The following GSE1 variants were observed in gnomAD, a reference collection of about 807,000 sequenced individuals.
GSE1 encodes the protein genetic suppressor element 1.
Under a neutral mutation model 112.6 loss-of-function variants are expected in GSE1, and 32 were observed. The ratio of observed to expected loss-of-function variants is 0.28; its 90% confidence interval spans 0.21 to 0.38. The LOEUF is 0.38. Among genes scored for constraint, GSE1 ranks in the 10% least tolerant of loss-of-function variants. The probability of loss-of-function intolerance (pLI) is 1.00; values close to 1 mark genes in which losing one functional copy is unlikely to be tolerated. For synonymous variants in GSE1, 1,115 were observed against 735.6 expected (o/e 1.52, Z -8.35); for missense variants, 2,348 against 1,699.2 (o/e 1.38, Z -6.71).
At chr16:85,526,066 G>T (rs2052355206) in intron 2 of GSE1, among the ~76,000 whole-genome samples, 1 of 152,158 alleles carries the variant, frequency 6.6e-6, no homozygotes, top group Non-Finnish European at 1.5e-5. Context: ...ATGGCTCCTG[G>T]GTGCAGACAG....
intron 4 of GSE1, 34 bp downstream of exon 4, chr16:85,654,484 C>T (rs756385682): frequency 2.6e-6 from 4 of 1,535,374 alleles, no homozygotes; most frequent in East Asian, 2.3e-5. Context: ...GGTGAGGTGG[C>T]CAGGTGGGGA....
intron 2 of GSE1, among the ~76,000 whole-genome samples, chr16:85,411,067 G>A (rs1363100358): frequency 1.9e-5 from 2 of 103,538 alleles, no homozygotes; most frequent in African/African-American, 1.1e-4. Context: ...AATCCTCACC[G>A]TTGCACTCAG....
intron 1 of GSE1, among the ~76,000 whole-genome samples, chr16:85,581,090 C>A (rs895895843): frequency 1.1e-4 from 16 of 152,172 alleles, no homozygotes; most frequent in African/African-American, 3.9e-4. Context: ...TGCCTTTGAA[C>A]AGGGATGGTT....
chr16:85,664,930 C>A (rs1465037214), intron 11 of GSE1, 85 bp from the exon 12 acceptor site: 1 of 938,374 alleles, frequency 1.1e-6, no homozygotes, highest in Admixed American at 1.9e-5. Flanking sequence ...TTGCCTGCCC[C>A]TCAAGGCTCG....
intron 2 of GSE1, among the ~76,000 whole-genome samples, chr16:85,639,522 G>A (rs558235696): frequency 6.6e-6 from 1 of 152,398 alleles, no homozygotes; most frequent in South Asian, 2.1e-4. Flanking sequence ...CCTTGCGGGT[G>A]TGTCGGGATC....
intron 1 of GSE1, among the ~76,000 whole-genome samples, chr16:85,598,303 C>T (rs2047323111): frequency 6.6e-6 from 1 of 151,832 alleles, no homozygotes; most frequent in Admixed American, 6.6e-5. Flanking sequence ...TTGCCAGCAC[C>T]CAGCTGCGCA....
chr16:85,374,675 A>G (rs1464145224), intron 2 of GSE1, among the ~76,000 whole-genome samples: 6 of 152,158 alleles, frequency 3.9e-5, no homozygotes, highest in Non-Finnish European at 1.5e-5. Flanking sequence ...AGCCAGGCCC[A>G]TGACCCTGGA....
At chr16:85,532,566 G>T (rs1316901327) in intron 2 of GSE1, among the ~76,000 whole-genome samples, 1 of 152,050 alleles carries the variant, frequency 6.6e-6, no homozygotes, top group East Asian at 1.9e-4. Context: ...CTGGCCTAGC[G>T]CTGGGGACCC....
intron 2 of GSE1, among the ~76,000 whole-genome samples, chr16:85,536,678 C>T (rs2044339911): frequency 2.0e-5 from 3 of 152,246 alleles, no homozygotes; most frequent in Admixed American, 2.0e-4. Flanking sequence ...GGCCCTCTGG[C>T]TCCCAGCCCC....
rs529743487 is a variant in GSE1, at chr16:85,640,263, G to T, written c.226+6131G>T. Among the ~76,000 whole-genome samples, 230 of 152,316 alleles carry T rather than the reference G, an allele frequency of 1.5e-3. 2 individuals carry two copies. The highest frequency in any genetic ancestry group is 5.2e-3 in the African/African-American group (218 of 41,572). ...GCCCACACTTCGCTCCCTTAACACC[G>T]GCCGGGGGCTCATGGTACCTGCCCT... On this transcript the variant is annotated intron_variant, in intron 2 of 15. Transcript: ENST00000253458.
intron 2 of GSE1, among the ~76,000 whole-genome samples, chr16:85,428,163 G>C (rs2049035335): frequency 6.6e-6 from 1 of 152,212 alleles, no homozygotes; most frequent in African/African-American, 2.4e-5. Context: ...AGCCTCTCCA[G>C]ATCCCAGGCA....
chr16:85,622,908 C>T (rs1200425895), intron 1 of GSE1, among the ~76,000 whole-genome samples: 2 of 152,152 alleles, frequency 1.3e-5, no homozygotes, highest in Non-Finnish European at 2.9e-5. Context: ...GTTGCTCAGA[C>T]CTGCATGTAC....
At chr16:85,605,392 C>G (rs1189225643) in intron 1 of GSE1, among the ~76,000 whole-genome samples, 1 of 152,186 alleles carries the variant, frequency 6.6e-6, no homozygotes, top group East Asian at 1.9e-4. Context: ...GGTCTGGCGC[C>G]GAGAAGTGCT....
chr16:85,636,581 G>A (rs970467820), intron 2 of GSE1, among the ~76,000 whole-genome samples: 21 of 152,292 alleles, frequency 1.4e-4, no homozygotes, highest in African/African-American at 4.8e-4. Flanking sequence ...CAGCCCTCCC[G>A]GGACCCTCGG....
At chr16:85,382,932 A>G (rs1473541186) in intron 2 of GSE1, among the ~76,000 whole-genome samples, 2 of 151,118 alleles carry the variant, frequency 1.3e-5, no homozygotes, top group Non-Finnish European at 3.0e-5. Context: ...ACACACGCGC[A>G]CACAACACGT....
chr16:85,594,232 T>TGGGGGG (rs1567626522), intron 1 of GSE1: 4 of 6,594 alleles, frequency 6.1e-4, no homozygotes, highest in African/African-American at 1.0e-3. Flanking sequence ...CCCTGGGGGG[T>TGGGGGG]TGGGGGGGGG....
At chr16:85,510,629 G>A (rs8050586) in intron 2 of GSE1, among the ~76,000 whole-genome samples, 86,324 of 152,110 alleles carry the variant, frequency 0.57, 25,183 homozygotes, top group East Asian at 0.78. Context: ...TTTTTAGGGA[G>A]GCTGCCCCCC....
At chr16:85,421,860 C>T (rs1360251725) in intron 2 of GSE1, among the ~76,000 whole-genome samples, 4 of 151,932 alleles carry the variant, frequency 2.6e-5, no homozygotes, top group African/African-American at 9.7e-5. Flanking sequence ...GGTGAGGGGC[C>T]GACTTCAGGG....
At chr16:85,452,235 C>T (rs965873579) in intron 2 of GSE1, among the ~76,000 whole-genome samples, 2 of 152,210 alleles carry the variant, frequency 1.3e-5, no homozygotes, top group African/African-American at 2.4e-5. Context: ...TGACTCCTCG[C>T]GTCCCTAATG....
Sources: gnomAD v4.1 joint callset for allele counts (sites outside exome capture counted in the v4.1 genomes callset) on GRCh38, gnomAD v4.1.1 for gene constraint, MANE v1.5 for transcripts, NCBI Gene and HGNC (gene_info 2026-07-23, HGNC 2026-07-21) for gene names.